The following ZXDC variants were observed in gnomAD, a reference collection of about 807,000 sequenced individuals.
ZXDC encodes the protein zinc finger protein ZXDC.
A neutral mutation model predicts 63.6 loss-of-function variants in ZXDC; 58 were observed. That is an observed-to-expected ratio of 0.91 (90% confidence interval 0.74 to 1.13). The LOEUF (loss-of-function observed/expected upper bound fraction) is 1.13, where lower values mean the gene tolerates loss of function less well. ZXDC is among the 50% of genes most tolerant of loss of function. The pLI is 0.00. For missense variants in ZXDC, 1,133 were observed against 1,148.9 expected (o/e 0.99, Z 0.20); for synonymous variants, 561 against 496.1 (o/e 1.13, Z -1.74).
rs1935148270 is a variant in ZXDC, at chr3:126,475,289, T to C, written c.577A>G (p.Lys193Glu). 1 of 1,550,614 alleles carries C rather than the reference T, an allele frequency of 6.4e-7. No individual in the cohort carries two copies. The highest frequency in any genetic ancestry group is 8.7e-7 in the Non-Finnish European group (1 of 1,147,150). Residue 193 changes from lysine (K) to glutamate (E), a missense_variant, in exon 1 of 10, where the codon AAG becomes GAG. Coordinates refer to ENST00000389709, the MANE Select transcript of ZXDC (RefSeq NM_025112.5). ...ALAFAKKHQL[K>E]VHLLTHGGGQ... ...CCGCCGTGCGTGAGCAGGTGCACCT[T>C]GAGCTGGTGCTTCTTGGCGAAGGCC... is the stretch of plus-strand genomic sequence containing the variant.
Position 126,472,232 on chromosome 3 carries a change from G to C in ZXDC, c.981C>G (p.Leu327=). Residue 327 remains leucine (L), a synonymous_variant, in exon 2 of 10, where the codon CTC becomes CTG. Transcript: ENST00000389709. ...TGCACCCAGGAAAGGAGCAGGAAAAGAGCTCTTGTTCCCTGAAGTGGGCTC... is the reference window on the plus strand; with the variant it reads ...TGCACCCAGGAAAGGAGCAGGAAAACAGCTCTTGTTCCCTGAAGTGGGCTC... ...HNRAHFREQE[L]FSCSFPGCSK... 6.2e-7 allele frequency: 1 copy of C among 1,613,660 alleles called. No homozygotes were observed. Among genetic ancestry groups the C allele is most frequent in the Non-Finnish European group, 8.5e-7 (1 of 1,179,562 alleles).
At chr3:126,468,126 G>A (rs1481730897) in intron 4 of ZXDC, among the ~76,000 whole-genome samples, 1 of 151,934 alleles carries the variant, frequency 6.6e-6, no homozygotes, top group Admixed American at 6.6e-5. Context: ...AGCCATCACT[G>A]ACAGACCTGT....
At chr3:126,460,538 G>T in intron 6 of ZXDC, 1 of 985,252 alleles carries the variant, frequency 1.0e-6, no homozygotes, top group Non-Finnish European at 1.2e-6. Context: ...ATTTCCCAAG[G>T]CACCGAGGCA....
intron 7 of ZXDC, among the ~76,000 whole-genome samples, chr3:126,448,096 G>A (rs947919283): frequency 2.6e-5 from 4 of 152,242 alleles, no homozygotes; most frequent in South Asian, 2.1e-4. Context: ...GGATTGTTGC[G>A]AGGACTAATG....
chr3:126,452,549 A>G (rs2107637943), intron 7 of ZXDC: 2 of 985,428 alleles, frequency 2.0e-6, no homozygotes, highest in Non-Finnish European at 2.4e-6. Context: ...TGAGAGAATA[A>G]TAAAGTTATT....
Position 126,459,563 on chromosome 3 carries a change from C to T in ZXDC, c.2212+90G>A. 6 of 1,589,120 alleles carry T rather than the reference C, an allele frequency of 3.8e-6. No individual in the cohort carries two copies. In the African/African-American group the frequency reaches 5.4e-5, roughly 14 times the overall value. ...GAACAGAAAAGTAAAACCAAGAGCA[C>T]AGAAACACCTGCTGTGTTTCTTCTG... On this transcript the variant is annotated intron_variant, in intron 7 of 9. Transcript: ENST00000389709.
intron 7 of ZXDC, chr3:126,452,566 T>C: frequency 1.0e-6 from 1 of 984,742 alleles, no homozygotes; most frequent in Non-Finnish European, 1.2e-6. Context: ...TATTCACCGA[T>C]CTATTATTGA....
rs561934221 is a variant in ZXDC at position 126,460,672 on chromosome 3, T to C, written c.2127+863A>G. On this transcript the variant is annotated intron_variant, in intron 6 of 9. Coordinates refer to ENST00000389709, the MANE Select transcript of ZXDC (RefSeq NM_025112.5). ...CCGCCTAAGCAAATGCCGGCAAGCATGGCTCTGCCACCGACAAGCAAGACA... is the reference window on the plus strand; with the variant it reads ...CCGCCTAAGCAAATGCCGGCAAGCACGGCTCTGCCACCGACAAGCAAGACA... 3.0e-6 allele frequency: 3 copies of C among 985,394 alleles called. No individual in the cohort carries two copies. The African/African-American group carries it at 5.2e-5, about 17-fold the overall frequency. The allele number at this position is 985,394 out of a possible 1,614,324, so 61.0% of individuals were successfully genotyped here. A position where few individuals can be genotyped will look rare whatever the true frequency, so the allele number is the denominator to read the frequency against.
chr3:126,456,282 A>C (rs992128561), intron 7 of ZXDC, among the ~76,000 whole-genome samples: 2 of 152,244 alleles, frequency 1.3e-5, no homozygotes, highest in African/African-American at 4.8e-5. Context: ...AGACCCTTGG[A>C]AAGTCCTGCC....
At chr3:126,459,564 A>G in intron 7 of ZXDC, 89 bp downstream of exon 7, 2 of 1,592,932 alleles carry the variant, frequency 1.3e-6, no homozygotes, top group Non-Finnish European at 1.7e-6. Flanking sequence ...CCAAGAGCAC[A>G]GAAACACCTG....
intron 8 of ZXDC, 173 bp from the exon 9 acceptor site, chr3:126,439,900 A>G: frequency 1.4e-6 from 2 of 1,417,612 alleles, no homozygotes; most frequent in Non-Finnish European, 1.8e-6. Context: ...GCTGGGTACT[A>G]CCTGTTCCCA....
At chr3:126,469,911 TG>T (rs1258638232) in intron 4 of ZXDC, among the ~76,000 whole-genome samples, 3 of 152,224 alleles carry the variant, frequency 2.0e-5, no homozygotes, top group African/African-American at 7.2e-5. Flanking sequence ...CAGCTTTAAA[TG>T]GGTCTTTATT....
At chr3:126,461,071 T>C (rs1472987107) in intron 6 of ZXDC, 7 of 985,472 alleles carry the variant, frequency 7.1e-6, no homozygotes, top group Non-Finnish European at 8.4e-6. Context: ...CTAAGGCTCA[T>C]AAACCCCACC....
At chr3:126,459,762 G>C (rs1934449206) in intron 6 of ZXDC, 25 bp from the exon 7 acceptor site, 1 of 1,613,992 alleles carries the variant, frequency 6.2e-7, no homozygotes. Flanking sequence ...AAGCATGTCA[G>C]TCACTTATCT....
At chr3:126,467,826 G>A (rs1284963961) in intron 4 of ZXDC, among the ~76,000 whole-genome samples, 1 of 152,176 alleles carries the variant, frequency 6.6e-6, no homozygotes, top group Non-Finnish European at 1.5e-5. Context: ...ACAGGTCACA[G>A]AGCAGAGGCT....
At position 126,462,180 on chromosome 3, in the gene ZXDC, G is replaced by A. The variant is rs371372815; in HGVS notation, c.1482C>T (p.Pro494=). ...GGCCTGGGCTGCTGAGTTCACTGCTGGGAGTAAGAGAACTCGGAGCTTCTA... is the reference window on the plus strand; with the variant it reads ...GGCCTGGGCTGCTGAGTTCACTGCTAGGAGTAAGAGAACTCGGAGCTTCTA... The part of the protein sequence containing the change: ...PQLEAPSSLT[P]SSELSSPGQS... The change falls in exon 6 of 10, where the codon CCC becomes CCT. Residue 494 remains proline, a synonymous_variant. Transcript: ENST00000389709. The A allele has an allele frequency of 7.0e-5, 112 of 1,606,838 alleles. No individual in the cohort carries two copies. The highest frequency in any genetic ancestry group is 8.8e-5 in the Non-Finnish European group (104 of 1,178,152).
rs374085326 is a variant in ZXDC, at chr3:126,457,368, C to T, written c.2212+2285G>A. On this transcript the variant is annotated intron_variant, in intron 7 of 9. Coordinates refer to ENST00000389709, the MANE Select transcript of ZXDC (RefSeq NM_025112.5). ...TCTAAAACCACAGCAGACCCATGGGCGCGGGAAGACACCAGTGCCCTGCAT... is the reference window on the plus strand; with the variant it reads ...TCTAAAACCACAGCAGACCCATGGGTGCGGGAAGACACCAGTGCCCTGCAT... 3.2e-5 allele frequency: 32 copies of T among 985,368 alleles called. No individual in the cohort carries two copies. The African/African-American group carries it at 3.3e-4, about 10-fold the overall frequency. The allele number at this position is 985,368 out of a possible 1,614,324, so 61.0% of individuals were successfully genotyped here.
chr3:126,451,096 AG>A (rs1934084151), intron 7 of ZXDC: 9 of 984,660 alleles, frequency 9.1e-6, no homozygotes, highest in Middle Eastern at 5.2e-4. Context: ...CCACCCCAGG[AG>A]GAACAGTGCT....
chr3:126,455,154 T>A (rs1934255491), intron 7 of ZXDC: 1 of 938,752 alleles, frequency 1.1e-6, no homozygotes, highest in Non-Finnish European at 1.3e-6. Flanking sequence ...CCAAACCCAA[T>A]TTTTTTTCCC....
Sources: allele counts gnomAD v4.1 joint callset (sites outside exome capture counted in the v4.1 genomes callset), GRCh38; gene constraint gnomAD v4.1.1; transcripts MANE v1.5; gene names NCBI Gene and HGNC (gene_info 2026-07-23, HGNC 2026-07-21).